Variants in TYK2 observed in about 807,000 individuals in gnomAD.
TYK2 encodes non-receptor tyrosine-protein kinase TYK2.
A neutral mutation model predicts 130.9 loss-of-function variants in TYK2; 65 were observed. The observed-to-expected ratio is 0.50, with a 90% CI of 0.41 to 0.61. TYK2 has a LOEUF of 0.61. Among genes scored for constraint, TYK2 ranks in the 20% least tolerant of loss-of-function variants. TYK2 has a pLI of 0.00. For missense variants in TYK2, 1,378 were observed against 1,610.7 expected (o/e 0.86, Z 2.47); for synonymous variants, 647 against 658.9 (o/e 0.98, Z 0.28).
rs570748267 is a variant in TYK2, at chr19:10,351,079, C to T, written c.3402G>A (p.Leu1134=). Residue 1134 remains leucine, a synonymous_variant, in exon 24 of 25, where the codon CTG becomes CTA. Coordinates refer to ENST00000525621, the MANE Select transcript of TYK2 (RefSeq NM_003331.5). ...LTELLERGER[L]PRPDKCPCEV... ...CACAGGGACATTTGTCGGGCCGTGG[C>T]AGCCTCTCCCCTCGTTCCAGCAACT... 2.7e-5 allele frequency: 43 copies of T among 1,614,154 alleles called. 2 individuals carry two copies. The South Asian group carries it at 4.4e-4, about 16-fold the overall frequency.
At chr19:10,367,965 A>G (rs2041742527) in intron 5 of TYK2, 90 bp downstream of exon 5, 1 of 1,427,644 alleles carries the variant, frequency 7.0e-7, no homozygotes. Context: ...GAAACCTATT[A>G]GCTATATTGA....
At chr19:10,370,510 CAAAAA>C (rs36008928) in intron 3 of TYK2, among the ~76,000 whole-genome samples, 1 of 128,342 alleles carries the variant, frequency 7.8e-6, no homozygotes. Context: ...AAGACTGTCT[CAAAAA>C]AAAAAAAAAA....
chr19:10,362,367 G>C lies in TYK2; in HGVS notation c.1566C>G (p.Ser522=), dbSNP rs868359374. The C allele has an allele frequency of 6.2e-7, 1 of 1,613,994 alleles. No individual in the cohort carries two copies. The highest frequency in any genetic ancestry group is 8.5e-7 in the Non-Finnish European group (1 of 1,180,018). ...CCCCAAGTTCCCGAACGCTGGGGAA[G>C]GACCGGCCCCAGCCCTCCAGCACGA... is the stretch of plus-strand genomic sequence containing the variant. ...GAFVLEGWGR[S]FPSVRELGAA... The change falls in exon 11 of 25, where the codon TCC becomes TCG. Residue 522 remains serine (S), a synonymous_variant. Coordinates refer to ENST00000525621, the MANE Select transcript of TYK2 (RefSeq NM_003331.5).
chr19:10,359,848 C>G (rs2041305534), intron 14 of TYK2, among the ~76,000 whole-genome samples: 1 of 151,976 alleles, frequency 6.6e-6, no homozygotes, highest in East Asian at 1.9e-4. Flanking sequence ...GAAACCCCAT[C>G]TCTACTAAAA....
At position 10,365,628 on chromosome 19, in the gene TYK2, A is replaced by C. The variant is rs747520739; in HGVS notation, c.900T>G (p.Pro300=). ...CAGCAGACTCAGGGCCAGGGTCTGT[A>C]GGGGCCACCCCACTGTCCCGGATGT... is the stretch of plus-strand genomic sequence containing the variant. ...PCYIRDSGVA[P]TDPGPESAAG... The change falls in exon 7 of 25, where the codon CCT becomes CCG. Residue 300 remains proline, a synonymous_variant. Transcript: ENST00000525621. The C allele has an allele frequency of 1.9e-6, 3 of 1,613,932 alleles. No homozygotes were observed. Among genetic ancestry groups the C allele is most frequent in the Non-Finnish European group, 2.5e-6 (3 of 1,179,924 alleles).
chr19:10,358,049 G>T lies in TYK2; in HGVS notation c.2265C>A (p.Ile755=), dbSNP rs1309021408. The change falls in exon 16 of 25, where the codon ATC becomes ATA. Residue 755 remains isoleucine (I), a synonymous_variant. Coordinates refer to ENST00000525621, the MANE Select transcript of TYK2 (RefSeq NM_003331.5). The part of the protein sequence containing the change: ...LGLAEGTSPF[I]KLSDPGVGLG... ...GGCCCACGCCAGGATCACTCAGCTTGATGAAGGGGCTGGTGCCCTCTGCCA... is the reference window on the plus strand; with the variant it reads ...GGCCCACGCCAGGATCACTCAGCTTTATGAAGGGGCTGGTGCCCTCTGCCA... 1 of 1,613,378 alleles carries T rather than the reference G, an allele frequency of 6.2e-7. No homozygotes were observed. Among genetic ancestry groups the T allele is most frequent in the East Asian group, 2.2e-5 (1 of 44,878 alleles).
chr19:10,366,617 G>T, intron 5 of TYK2, 37 bp from the exon 6 acceptor site: 1 of 1,611,182 alleles, frequency 6.2e-7, no homozygotes, highest in Non-Finnish European at 8.5e-7. Context: ...GGAGGTGTGA[G>T]AATGCGTTCC....
At position 10,351,067 on chromosome 19, in the gene TYK2, G is replaced by T. The variant is rs755326679; in HGVS notation, c.3414C>A (p.Asp1138Glu). 1.2e-6 allele frequency: 2 copies of T among 1,614,174 alleles called. No individual in the cohort carries two copies. The highest frequency in any genetic ancestry group is 1.7e-6 in the Non-Finnish European group (2 of 1,180,034). ...GAAGTCTCACCTCACAGGGACATTTGTCGGGCCGTGGCAGCCTCTCCCCTC... is the reference window on the plus strand; with the variant it reads ...GAAGTCTCACCTCACAGGGACATTTTTCGGGCCGTGGCAGCCTCTCCCCTC... ...LERGERLPRP[D>E]KCPCEVYHLM... Residue 1138 changes from aspartate (D) to glutamate (E), a missense_variant, in exon 24 of 25, where the codon GAC (aspartate) becomes GAA (glutamate). Physicochemically the swap from Asp to Glu is conservative, Grantham distance 45. Transcript: ENST00000525621.
chr19:10,351,676 T>C (rs1230048971), intron 23 of TYK2, among the ~76,000 whole-genome samples: 3 of 152,134 alleles, frequency 2.0e-5, no homozygotes, highest in African/African-American at 7.2e-5. Context: ...CTAATATTCA[T>C]AGAGTAAGCG....
At position 10,356,550 on chromosome 19, in the gene TYK2, C is replaced by A. The variant is rs756074954; in HGVS notation, c.2617+18G>T. 55 of 1,612,248 alleles carry A rather than the reference C, an allele frequency of 3.4e-5. No homozygotes were observed. Among genetic ancestry groups the A allele is most frequent in the Non-Finnish European group, 4.6e-5 (54 of 1,179,940 alleles). Reference sequence around the variant, plus strand: ...CCGTCCCACTTCCCCAGGGTCCCAGCACTGGGATGGAGCTCACTGTGGGGC... The same window carrying A: ...CCGTCCCACTTCCCCAGGGTCCCAGAACTGGGATGGAGCTCACTGTGGGGC... On this transcript the variant is annotated intron_variant, in intron 18 of 24. Transcript: ENST00000525621.
At chr19:10,362,753 C>T (rs1450956025) in intron 9 of TYK2, 96 bp from the exon 10 acceptor site, 1 of 1,067,688 alleles carries the variant, frequency 9.4e-7, no homozygotes, top group Non-Finnish European at 1.4e-6. Context: ...AGAGGGCACA[C>T]ACACAGCTAG....
intron 18 of TYK2, among the ~76,000 whole-genome samples, chr19:10,355,736 G>C (rs955030778): frequency 6.6e-6 from 1 of 151,394 alleles, no homozygotes; most frequent in Non-Finnish European, 1.5e-5. Context: ...GGCCGAGGCG[G>C]GTGGATCACG....
intron 7 of TYK2, 130 bp from the exon 8 acceptor site, chr19:10,365,178 G>A: frequency 9.3e-7 from 1 of 1,073,136 alleles, no homozygotes; most frequent in Non-Finnish European, 1.3e-6. Context: ...CCAAGTCCCA[G>A]TGTCACAGGT....
rs1434247208 is a variant in TYK2 at position 10,378,223 on chromosome 19, G to A, written c.184C>T (p.His62Tyr). The A allele has an allele frequency of 2.5e-6, 4 of 1,612,790 alleles. No homozygotes were observed. In the East Asian group the frequency reaches 6.7e-5, roughly 27 times the overall value. ...TAEEVCIHIAHKVGITPPCFN... is the reference protein window; with the variant it reads ...TAEEVCIHIAYKVGITPPCFN... ...AACGCCCCAGACTCACCAACTTTAT[G>A]TGCAATGTGGATGCAGACTTCCTCA... Residue 62 changes from histidine to tyrosine, a missense_variant, in exon 3 of 25, where the codon CAT becomes TAT. His to Tyr is a moderately conservative substitution (Grantham distance 83, BLOSUM62 2). Transcript: ENST00000525621.
chr19:10,356,859 C>A (rs1599334234), intron 17 of TYK2, 141 bp from the exon 18 acceptor site: 2 of 873,394 alleles, frequency 2.3e-6, no homozygotes, highest in East Asian at 5.3e-5. Context: ...GCAACTGAGG[C>A]TCCACAAAGT....
At chr19:10,356,153 T>C (rs2041088911) in intron 18 of TYK2, among the ~76,000 whole-genome samples, 1 of 151,988 alleles carries the variant, frequency 6.6e-6, no homozygotes, top group Non-Finnish European at 1.5e-5. Context: ...CTGAAGCAGA[T>C]AGATCATTTG....
Position 10,361,540 on chromosome 19 carries a change from A to C in TYK2, c.2018T>G (p.Val673Gly), listed in dbSNP as rs2041402081. The change falls in exon 14 of 25, where the codon GTG (valine) becomes GGG (glycine). Residue 673 changes from valine to glycine, a missense_variant. Transcript: ENST00000525621. This position sits in a 1 kb window ranked among gnomAD's most constrained non-coding sequence, Gnocchi z 4.0. The part of the protein sequence containing the change: ...SQVSHTHLAF[V>G]HGVCVRGPEN... ...AGGGCCGCGCACACAGACGCCATGC[A>C]CGAAGGCCAGGTGCGTGTGGGAGAC... 1 of 1,547,364 alleles carries C rather than the reference A, an allele frequency of 6.5e-7. No homozygotes were observed. Among genetic ancestry groups the C allele is most frequent in the Non-Finnish European group, 8.7e-7 (1 of 1,146,882 alleles).
intron 18 of TYK2, 85 bp from the exon 19 acceptor site, chr19:10,354,694 C>T (rs988101725): frequency 8.9e-6 from 10 of 1,124,290 alleles, no homozygotes; most frequent in African/African-American, 6.1e-5. Context: ...CCAGCCACAG[C>T]TACCCCAGGA....
intron 9 of TYK2, among the ~76,000 whole-genome samples, chr19:10,363,240 A>G (rs2041498999): frequency 7.3e-6 from 1 of 136,836 alleles, no homozygotes. Flanking sequence ...CCCAGGCTGG[A>G]GTGCAGCGGT....
Sources: allele counts gnomAD v4.1 joint callset (sites outside exome capture counted in the v4.1 genomes callset), GRCh38; gene constraint gnomAD v4.1.1; non-coding constraint Gnocchi (gnomAD v3.1); transcripts MANE v1.5; gene names NCBI Gene and HGNC (gene_info 2026-07-23, HGNC 2026-07-21).